The following SCARF2 variants were observed in gnomAD, a reference collection of about 807,000 sequenced individuals.
SCARF2 encodes scavenger receptor expressed by endothelial cells 2 protein.
In SCARF2, 39 loss-of-function variants were observed where a neutral mutation model predicts 73.4. The observed-to-expected ratio is 0.53, with a 90% CI of 0.41 to 0.69. The LOEUF is 0.69. Ranked by LOEUF, SCARF2 falls within the 30% of genes least tolerant of loss-of-function variation. SCARF2 has a pLI of 0.00. For synonymous variants in SCARF2, 605 were observed against 590.0 expected (o/e 1.03, Z -0.37); for missense variants, 1,148 against 1,303.5 (o/e 0.88, Z 1.84).
At position 20,437,762 on chromosome 22, in the gene SCARF2, G is replaced by T; in HGVS notation, c.-8C>A. 2.1e-5 allele frequency: 21 copies of T among 1,005,570 alleles called. No homozygotes were observed. The highest frequency in any genetic ancestry group is 2.5e-5 in the Non-Finnish European group (21 of 842,716). The allele number at this position is 1,005,570 out of a possible 1,614,324, so 62.3% of individuals were successfully genotyped here. On this transcript the variant is annotated 5_prime_UTR_variant, in exon 1 of 11. Transcript: ENST00000622235. ...GGGCCCTGCGCCCTCCATGAGGCGCGGGGCAGGCGCGGGGCGGGCACGGGC... is the reference window on the plus strand; with the variant it reads ...GGGCCCTGCGCCCTCCATGAGGCGCTGGGCAGGCGCGGGGCGGGCACGGGC...
At position 20,430,417 on chromosome 22, in the gene SCARF2, C is replaced by T. The variant is rs775300716; in HGVS notation, c.1202+12G>A. 4 of 1,584,826 alleles carry T rather than the reference C, an allele frequency of 2.5e-6. No homozygotes were observed. Among genetic ancestry groups the T allele is most frequent in the East Asian group, 2.3e-5 (1 of 43,232 alleles). On this transcript the variant is annotated intron_variant, in intron 6 of 10. Transcript: ENST00000622235. The stretch of plus-strand genomic sequence containing the variant: ...CAAGCCCCCAACCCCCTCCCGGTCC[C>T]GGGGCACTCACTGGGGCCCGTGGAC...
Position 20,430,856 on chromosome 22 carries a change from A to C in SCARF2, c.907T>G (p.Leu303Val). ...CCGTTCCAGCCGGGCTCGCACGTCA[A>C]GCAGCGGCCCTCGGCCACCGTGCAC... Reference protein sequence around the residue: ...QPCTVAEGRCLTCEPGWNGTK... With the variant: ...QPCTVAEGRCVTCEPGWNGTK... The change falls in exon 5 of 11, where the codon TTG (leucine) becomes GTG (valine). Residue 303 changes from leucine to valine, a missense_variant. Leu to Val is a conservative substitution (Grantham distance 32). Coordinates refer to ENST00000622235, the MANE Select transcript of SCARF2 (RefSeq NM_182895.5). 1 of 1,607,020 alleles carries C rather than the reference A, an allele frequency of 6.2e-7. No individual in the cohort carries two copies. The highest frequency in any genetic ancestry group is 8.5e-7 in the Non-Finnish European group (1 of 1,178,348).
In SCARF2 at chr22:20,429,179, G is replaced by T; in HGVS notation, c.1540+46C>A. Reference sequence around the variant, plus strand: ...CACACCCATTTCCCAGCAGCTTCCTGCGTCGAGAGGTGTTTCTCCCAGATA... The same window carrying T: ...CACACCCATTTCCCAGCAGCTTCCTTCGTCGAGAGGTGTTTCTCCCAGATA... On this transcript the variant is annotated intron_variant, in intron 9 of 10. Transcript: ENST00000622235. The surrounding 1 kb of genome is among the most constrained non-coding windows in gnomAD (Gnocchi z 5.2). 6.2e-7 allele frequency: 1 copy of T among 1,612,788 alleles called. No individual in the cohort carries two copies. The highest frequency in any genetic ancestry group is 1.3e-5 in the African/African-American group (1 of 74,998).
Position 20,425,705 on chromosome 22 carries a change from G to A in SCARF2, c.2271C>T (p.Gly757=), listed in dbSNP as rs1444978785. ...CCTCGGGCGCGCTTCGCGGGGGACC[G>A]CCGGCGTCCGTGGGCTCCAAGAGGC... The part of the protein sequence containing the change: ...GPGLLEPTDA[G]GPPRSAPEAA... Residue 757 remains glycine (G), a synonymous_variant, in exon 11 of 11, where the codon GGC becomes GGT. Transcript: ENST00000622235. This position sits in a 1 kb window ranked among gnomAD's most constrained non-coding sequence, Gnocchi z 4.6. The A allele has an allele frequency of 1.6e-6, 2 of 1,228,556 alleles. No individual in the cohort carries two copies. Among genetic ancestry groups the A allele is most frequent in the East Asian group, 3.3e-5 (1 of 30,514 alleles). 76.1% of individuals were successfully genotyped at this position (1,228,556 alleles called of 1,614,324 possible).
At position 20,424,592 on chromosome 22, in the gene SCARF2, A is replaced by G. The variant is rs1156247756; in HGVS notation, c.*783T>C. On this transcript the variant is annotated 3_prime_UTR_variant, in exon 11 of 11. Transcript: ENST00000622235. ...AGGAAGTGATCAGAGCATGAGGGGA[A>G]AGGCATTTTATTAAGAAAGCTTTGG... Among the ~76,000 whole-genome samples, 1 of 152,236 alleles carries G rather than the reference A, an allele frequency of 6.6e-6. No individual in the cohort carries two copies. Among genetic ancestry groups the G allele is most frequent in the African/African-American group, 2.4e-5 (1 of 41,474 alleles).
In SCARF2 at chr22:20,425,450, G is replaced by T; in HGVS notation, c.2526C>A (p.Pro842=). The stretch of plus-strand genomic sequence containing the variant: ...TCTTCTTGCGCGGCGGCTTCTGGAT[G>T]GGGGTCTTCTTCCGGGGGGTCTCAG... The part of the protein sequence containing the change: ...PAPETPRKKT[P]IQKPPRKKSR... The change falls in exon 11 of 11, where the codon CCC becomes CCA. Residue 842 remains proline, a synonymous_variant. Coordinates refer to ENST00000622235, the MANE Select transcript of SCARF2 (RefSeq NM_182895.5). This position sits in a 1 kb window ranked among gnomAD's most constrained non-coding sequence, Gnocchi z 4.6. 1 of 1,419,736 alleles carries T rather than the reference G, an allele frequency of 7.0e-7. No homozygotes were observed. The allele number at this position is 1,419,736 out of a possible 1,614,324, so 87.9% of individuals were successfully genotyped here.
At position 20,429,137 on chromosome 22, in the gene SCARF2, T is replaced by C; in HGVS notation, c.1540+88A>G. 1.3e-6 allele frequency: 2 copies of C among 1,551,862 alleles called. No homozygotes were observed. The highest frequency in any genetic ancestry group is 1.7e-5 in the Admixed American group (1 of 59,578). ...CACTCAAGGTCCCCCATTTCCTCAC[T>C]GAGATCTGGACCCCCTCACACCCAT... is the stretch of plus-strand genomic sequence containing the variant. On this transcript the variant is annotated intron_variant, in intron 9 of 10. Transcript: ENST00000622235. The surrounding 1 kb of genome is among the most constrained non-coding windows in gnomAD (Gnocchi z 5.2).
intron 1 of SCARF2, 138 bp downstream of exon 1, chr22:20,437,444 G>T: frequency 1.1e-6 from 1 of 926,650 alleles, no homozygotes; most frequent in Non-Finnish European, 1.5e-6. Context: ...CTGGAACGGA[G>T]CCGCGCTGGC....
Position 20,431,362 on chromosome 22 carries a change from G to A in SCARF2, c.510C>T (p.Cys170=), listed in dbSNP as rs1179353408. The change falls in exon 4 of 11, where the codon TGC becomes TGT. Residue 170 remains cysteine (C), a synonymous_variant. Coordinates refer to ENST00000622235, the MANE Select transcript of SCARF2 (RefSeq NM_182895.5). Reference sequence around the variant, plus strand: ...CGCCCCACCAGCCGGGCTCACAGCGGCACGCGCCGCTCCGCGGGTGGCACG... The same window carrying A: ...CGCCCCACCAGCCGGGCTCACAGCGACACGCGCCGCTCCGCGGGTGGCACG... ...HGTCHPRSGA[C]RCEPGWWGAQ... 2.0e-6 allele frequency: 3 copies of A among 1,517,134 alleles called. No individual in the cohort carries two copies. Among genetic ancestry groups the A allele is most frequent in the Non-Finnish European group, 2.6e-6 (3 of 1,139,364 alleles). The allele number at this position is 1,517,134 out of a possible 1,614,324, so 94.0% of individuals were successfully genotyped here. A position where few individuals can be genotyped will look rare whatever the true frequency, so the allele number is the denominator to read the frequency against.
Position 20,427,531 on chromosome 22 carries a change from A to T in SCARF2, c.1560T>A (p.Asp520Glu). ...PKVVVAHHDL[D>E]NTLNCSFLEP... ...CCAGGAAGCTGCAGTTGAGTGTGTT[A>T]TCCAGGTCGTGGTGGGCCACTGGGG... Residue 520 changes from aspartate (D) to glutamate (E), a missense_variant, in exon 10 of 11, where the codon GAT becomes GAA. By Grantham distance (45) the Asp-to-Glu change is conservative. Coordinates refer to ENST00000622235, the MANE Select transcript of SCARF2 (RefSeq NM_182895.5). 1 of 1,613,538 alleles carries T rather than the reference A, an allele frequency of 6.2e-7. No individual in the cohort carries two copies. The highest frequency in any genetic ancestry group is 1.3e-5 in the African/African-American group (1 of 75,038).
At position 20,425,470 on chromosome 22, in the gene SCARF2, T is replaced by A. The variant is rs781379635; in HGVS notation, c.2506A>T (p.Thr836Ser). The A allele has an allele frequency of 2.6e-5, 37 of 1,397,562 alleles. No homozygotes were observed. The highest frequency in any genetic ancestry group is 3.3e-5 in the Non-Finnish European group (35 of 1,075,226). The allele number at this position is 1,397,562 out of a possible 1,614,324, so 86.6% of individuals were successfully genotyped here. The change falls in exon 11 of 11, where the codon ACC (threonine) becomes TCC (serine). Residue 836 changes from threonine (T) to serine (S), a missense_variant. Transcript: ENST00000622235. The surrounding 1 kb of genome is among the most constrained non-coding windows in gnomAD (Gnocchi z 4.6). ...KAATDLPAPE[T>S]PRKKTPIQKP... ...TGGATGGGGGTCTTCTTCCGGGGGG[T>A]CTCAGGCGCGGGCAAGTCGGTCGCC...
intron 9 of SCARF2, among the ~76,000 whole-genome samples, chr22:20,428,360 T>C (rs1286236422): frequency 6.6e-6 from 1 of 151,440 alleles, no homozygotes; most frequent in Non-Finnish European, 1.5e-5. Context: ...CGATCTCGGC[T>C]CACTGCAACC....
chr22:20,425,070 G>T lies in SCARF2; in HGVS notation c.*305C>A. 1 of 346,462 alleles carries T rather than the reference G, an allele frequency of 2.9e-6. No homozygotes were observed. The highest frequency in any genetic ancestry group is 5.2e-6 in the Non-Finnish European group (1 of 192,242). 21.5% of individuals were successfully genotyped at this position (346,462 alleles called of 1,614,324 possible). ...GCCAGTAAGAGGCGGTCTTTAAGCG[G>T]AACCCTCCCATCTTTGGCCAATGAG... is the stretch of plus-strand genomic sequence containing the variant. On this transcript the variant is annotated 3_prime_UTR_variant, in exon 11 of 11. Coordinates refer to ENST00000622235, the MANE Select transcript of SCARF2 (RefSeq NM_182895.5). This position sits in a 1 kb window ranked among gnomAD's most constrained non-coding sequence, Gnocchi z 4.6.
intron 1 of SCARF2, among the ~76,000 whole-genome samples, chr22:20,436,027 C>T (rs2052695591): frequency 6.6e-6 from 1 of 151,976 alleles, no homozygotes; most frequent in Non-Finnish European, 1.5e-5. Flanking sequence ...TCCTTCCCAT[C>T]GACCCTTGCC....
chr22:20,425,956 C>A lies in SCARF2; in HGVS notation c.2020G>T (p.Ala674Ser). 1 of 1,594,342 alleles carries A rather than the reference C, an allele frequency of 6.3e-7. No individual in the cohort carries two copies. The highest frequency in any genetic ancestry group is 8.5e-7 in the Non-Finnish European group (1 of 1,174,706). The change falls in exon 11 of 11, where the codon GCC becomes TCC. Residue 674 changes from alanine to serine, a missense_variant. Ala to Ser is a moderately conservative substitution (Grantham distance 99, BLOSUM62 1). Transcript: ENST00000622235. This position sits in a 1 kb window ranked among gnomAD's most constrained non-coding sequence, Gnocchi z 4.6. The stretch of plus-strand genomic sequence containing the variant: ...GAGGGCGCACGGCCAGCTGCAGCGG[C>A]GCTGTGCTTGCCGTGGATCCAGGAC... ...KVSWIHGKHS[A>S]AAAGRAPSPP...
chr22:20,432,029 C>T (rs766610131), intron 1 of SCARF2, 41 bp from the exon 2 acceptor site: 5 of 1,580,278 alleles, frequency 3.2e-6, no homozygotes, highest in Admixed American at 1.8e-5. Context: ...ATGCCCCTCC[C>T]CCAGCCCCCA....
intron 3 of SCARF2, 51 bp downstream of exon 3, chr22:20,431,694 C>G (rs1283000770): frequency 8.0e-7 from 1 of 1,242,702 alleles, no homozygotes; most frequent in Non-Finnish European, 1.1e-6. Flanking sequence ...CCCGCCCCAT[C>G]TCTCCAGGAT....
At chr22:20,437,239 C>G (rs543486859) in intron 1 of SCARF2, among the ~76,000 whole-genome samples, 2 of 152,386 alleles carry the variant, frequency 1.3e-5, no homozygotes, top group Admixed American at 1.3e-4. Flanking sequence ...GTTCCTTTGG[C>G]TTGAATGCCC....
chr22:20,437,505 CT>C lies in SCARF2; in HGVS notation c.173+76del, dbSNP rs945558646. On this transcript the variant is annotated intron_variant, in intron 1 of 10. Coordinates refer to ENST00000622235, the MANE Select transcript of SCARF2 (RefSeq NM_182895.5). Reference sequence around the variant, plus strand: ...GGCGTAGGAAGGTTCCGGTAGCCCCCTCCCAATGCCCGGCGCCGCCACACCA... The same window carrying C: ...GGCGTAGGAAGGTTCCGGTAGCCCCCCCCAATGCCCGGCGCCGCCACACCA... The C allele has an allele frequency of 1.3e-5, 19 of 1,448,886 alleles. No individual in the cohort carries two copies. The African/African-American group carries it at 2.6e-4, about 20-fold the overall frequency. 89.8% of individuals were successfully genotyped at this position (1,448,886 alleles called of 1,614,324 possible).
Sources: allele counts gnomAD v4.1 joint callset (sites outside exome capture counted in the v4.1 genomes callset), GRCh38; gene constraint gnomAD v4.1.1; non-coding constraint Gnocchi (gnomAD v3.1); transcripts MANE v1.5; gene names NCBI Gene and HGNC (gene_info 2026-07-23, HGNC 2026-07-21).